The following RNLS variants were observed in gnomAD, a reference collection of about 807,000 sequenced individuals.
RNLS encodes the protein renalase.
Under a neutral mutation model 39.8 loss-of-function variants are expected in RNLS, and 39 were observed. That is an observed-to-expected ratio of 0.98 (90% CI 0.76 to 1.28). The LOEUF is 1.28. RNLS is among the 50% of genes most tolerant of loss of function. The probability of loss-of-function intolerance (pLI) is 0.00; values close to 1 mark genes in which losing one functional copy is unlikely to be tolerated. For synonymous variants in RNLS, 147 were observed against 150.7 expected (o/e 0.98, Z 0.18); for missense variants, 410 against 413.3 (o/e 0.99, Z 0.07).
At chr10:88,194,366 TG>T in the RNLS span, among the ~76,000 whole-genome samples, 1 of 152,236 alleles carries the variant, frequency 6.6e-6, no homozygotes, top group East Asian at 1.9e-4. Context: ...AAATTGCTCC[TG>T]GTTCAAAAGC....
chr10:88,232,368 A>T, the RNLS span, among the ~76,000 whole-genome samples: 2 of 152,328 alleles, frequency 1.3e-5, no homozygotes, highest in East Asian at 3.9e-4. Flanking sequence ...ACCCACATAG[A>T]AAAAGAGGTG....
intron 4 of RNLS, among the ~76,000 whole-genome samples, chr10:88,502,017 G>T (rs1412008042): frequency 6.6e-6 from 1 of 151,934 alleles, no homozygotes; most frequent in Non-Finnish European, 1.5e-5. Flanking sequence ...GCATAATATA[G>T]GAACATCACA....
rs573428448 is a variant in RNLS, at chr10:88,414,602, C to T, written c.527-51877G>A. On this transcript the variant is annotated intron_variant, in intron 4 of 6. Transcript: ENST00000331772. ...TGGAAAAATTGCAAAAGCAGAAAGG[C>T]CCTTTTGAAGTTAACAATCAAATGT... Among the ~76,000 whole-genome samples the T allele has an allele frequency of 3.9e-5, 6 of 152,218 alleles. No individual in the cohort carries two copies. In the East Asian group the frequency reaches 1.2e-3, roughly 29 times the overall value.
intron 4 of RNLS, among the ~76,000 whole-genome samples, chr10:88,421,373 C>T (rs1355869337): frequency 6.6e-6 from 1 of 152,186 alleles, no homozygotes; most frequent in African/African-American, 2.4e-5. Context: ...CTAGCAAACG[C>T]TAACAATTAA....
chr10:88,254,504 T>C, the RNLS span, among the ~76,000 whole-genome samples: 1 of 152,176 alleles, frequency 6.6e-6, no homozygotes. Context: ...ATGAAGCAGA[T>C]GTGCAGAGAA....
At chr10:88,432,322 T>G in intron 4 of RNLS, among the ~76,000 whole-genome samples, 1 of 151,892 alleles carries the variant, frequency 6.6e-6, no homozygotes, top group East Asian at 1.9e-4. Context: ...TTATTCATCC[T>G]TTTTACTTTT....
At chr10:88,313,849 T>C (rs942628877) in intron 6 of RNLS, among the ~76,000 whole-genome samples, 1 of 152,204 alleles carries the variant, frequency 6.6e-6, no homozygotes, top group African/African-American at 2.4e-5. Context: ...CATTGAAATA[T>C]GCAGAAATTT....
At chr10:88,288,524 A>G (rs374466181) in intron 6 of RNLS, among the ~76,000 whole-genome samples, 10 of 152,304 alleles carry the variant, frequency 6.6e-5, no homozygotes, top group African/African-American at 2.4e-4. Context: ...ATTTGCATAT[A>G]CATAAATCTC....
intron 4 of RNLS, among the ~76,000 whole-genome samples, chr10:88,448,772 T>C (rs1322931004): frequency 6.6e-6 from 1 of 152,204 alleles, no homozygotes; most frequent in Non-Finnish European, 1.5e-5. Context: ...AGTGACAGAC[T>C]GGATTAAGAA....
chr10:88,412,634 A>T (rs1438011066), intron 4 of RNLS, among the ~76,000 whole-genome samples: 2 of 152,178 alleles, frequency 1.3e-5, no homozygotes, highest in African/African-American at 2.4e-5. Context: ...GCGTCATAGG[A>T]AGGTAGTTTC....
intron 4 of RNLS, among the ~76,000 whole-genome samples, chr10:88,547,632 C>T (rs1848386509): frequency 6.6e-6 from 1 of 152,148 alleles, no homozygotes; most frequent in Admixed American, 6.5e-5. Context: ...ACTAAAATGT[C>T]TATGCTTAAA....
intron 4 of RNLS, among the ~76,000 whole-genome samples, chr10:88,398,803 T>C (rs560636270): frequency 1.3e-5 from 2 of 151,946 alleles, no homozygotes; most frequent in African/African-American, 2.4e-5. Flanking sequence ...TCATCAAAAT[T>C]AAAAACTTTG....
chr10:88,197,446 A>G, the RNLS span, among the ~76,000 whole-genome samples: 10 of 151,940 alleles, frequency 6.6e-5, no homozygotes, highest in Admixed American at 6.6e-4. Context: ...TTCCTTCCCT[A>G]TTCCCTACTC....
At chr10:88,207,974 G>A in the RNLS span, among the ~76,000 whole-genome samples, 1 of 152,182 alleles carries the variant, frequency 6.6e-6, no homozygotes. Flanking sequence ...GCTCACCCTA[G>A]AAGAGGGTCA....
chr10:88,281,095 C>T (rs1350844079), downstream of RNLS, among the ~76,000 whole-genome samples: 1 of 152,172 alleles, frequency 6.6e-6, no homozygotes, highest in Non-Finnish European at 1.5e-5. Context: ...GGCTAAAACA[C>T]AAATATATTC....
exon 7 of RNLS, chr10:88,275,014 T>C: frequency 6.2e-7 from 1 of 1,613,226 alleles, no homozygotes; most frequent in South Asian, 1.1e-5. Context: ...CATCCTAGAA[T>C]CACACCAGCA....
chr10:88,410,984 A>G (rs185048560), intron 4 of RNLS, among the ~76,000 whole-genome samples: 2 of 152,266 alleles, frequency 1.3e-5, no homozygotes, highest in African/African-American at 2.4e-5. Flanking sequence ...TTTCAACATC[A>G]TTCTCCTCTT....
intron 4 of RNLS, among the ~76,000 whole-genome samples, chr10:88,472,279 A>G (rs1843583973): frequency 6.6e-6 from 1 of 152,216 alleles, no homozygotes; most frequent in Non-Finnish European, 1.5e-5. Context: ...AGAGAAGAAG[A>G]GAAGGAAATT....
At chr10:88,268,219 T>C in the RNLS span, among the ~76,000 whole-genome samples, 1 of 152,172 alleles carries the variant, frequency 6.6e-6, no homozygotes, top group African/African-American at 2.4e-5. Context: ...GCATTTTGGG[T>C]GGACTATCTT....
Sources: allele counts gnomAD v4.1 joint callset (sites outside exome capture counted in the v4.1 genomes callset), GRCh38; gene constraint gnomAD v4.1.1; transcripts MANE v1.5; gene names NCBI Gene and HGNC (gene_info 2026-07-23, HGNC 2026-07-21).